MYCBP2: variants seen among roughly 807,000 people sequenced by gnomAD.
MYCBP2 encodes MYC binding protein 2, also known as E3 ubiquitin-protein ligase MYCBP2.
Under a neutral mutation model 525.3 loss-of-function variants are expected in MYCBP2, and 120 were observed. The observed-to-expected ratio is 0.23, with a 90% CI of 0.20 to 0.27. The LOEUF (loss-of-function observed/expected upper bound fraction) is 0.27, where lower values mean the gene tolerates loss of function less well. MYCBP2 is among the 10% of genes least tolerant of loss of function. The pLI is 1.00. For missense variants in MYCBP2, 4,149 were observed against 5,657.1 expected (o/e 0.73, Z 8.55); for synonymous variants, 1,894 against 1,955.8 (o/e 0.97, Z 0.83).
At chr13:77,060,713 C>T (rs1156598360) in intron 76 of MYCBP2, among the ~76,000 whole-genome samples, 1 of 152,074 alleles carries the variant, frequency 6.6e-6, no homozygotes, top group African/African-American at 2.4e-5. Flanking sequence ...TTCACAACAC[C>T]TTCAGAAGCA....
chr13:77,179,038 G>C (rs1478534833), intron 34 of MYCBP2, among the ~76,000 whole-genome samples: 3 of 152,176 alleles, frequency 2.0e-5, no homozygotes, highest in Non-Finnish European at 4.4e-5. Context: ...CCCAGGATGA[G>C]AGACTAAAAT....
chr13:77,058,398 A>G lies in MYCBP2; in HGVS notation c.13149T>C (p.Ala4383=), dbSNP rs766652330. The stretch of plus-strand genomic sequence containing the variant: ...GATGCGTCTTACTACAGGCTATCTT[A>G]GCGTATTCCTGTTAAAGATGAATTA... ...VCSDADCQEY[A]KIACSKTHPC... is the part of the protein sequence containing the mutation. The change falls in exon 78 of 83, where the codon GCT becomes GCC. Residue 4383 remains alanine, a synonymous_variant. Coordinates refer to ENST00000544440, the MANE Select transcript of MYCBP2 (RefSeq NM_015057.5). This position sits in a 1 kb window ranked among gnomAD's most constrained non-coding sequence, Gnocchi z 4.1. 11 of 1,598,046 alleles carry G rather than the reference A, an allele frequency of 6.9e-6. No homozygotes were observed. The East Asian group carries it at 1.6e-4, about 23-fold the overall frequency.
At chr13:77,201,129 T>C (rs2062483878) in intron 26 of MYCBP2, among the ~76,000 whole-genome samples, 1 of 152,128 alleles carries the variant, frequency 6.6e-6, no homozygotes, top group African/African-American at 2.4e-5. Context: ...CCCATCAGTG[T>C]GCTGTGTTCA....
At chr13:77,230,368 T>C (rs1189962067) in intron 18 of MYCBP2, among the ~76,000 whole-genome samples, 2 of 152,134 alleles carry the variant, frequency 1.3e-5, no homozygotes, top group Non-Finnish European at 2.9e-5. Flanking sequence ...GTAGATAAAC[T>C]AGAAGATAAA....
intron 46 of MYCBP2, 92 bp from the exon 47 acceptor site, chr13:77,151,041 T>C: frequency 2.9e-6 from 3 of 1,030,116 alleles, no homozygotes; most frequent in Admixed American, 2.0e-5. Flanking sequence ...CTCATAATTA[T>C]GTATACTTTA....
Position 77,189,101 on chromosome 13 carries a change from T to C in MYCBP2, c.4155-54A>G, listed in dbSNP as rs1029824496. 3.0e-6 allele frequency: 4 copies of C among 1,333,638 alleles called. No homozygotes were observed. The African/African-American group carries it at 4.6e-5, about 15-fold the overall frequency. 82.6% of individuals were successfully genotyped at this position (1,333,638 alleles called of 1,614,324 possible). ...TGTTAGAAAGTCCAATGTCATTTTT[T>C]CTTTTTAAAGTATATTATACATTTT... is the stretch of plus-strand genomic sequence containing the variant. On this transcript the variant is annotated intron_variant, in intron 29 of 82. Transcript: ENST00000544440.
At chr13:77,123,968 C>T (rs914357177) in intron 54 of MYCBP2, among the ~76,000 whole-genome samples, 4 of 152,078 alleles carry the variant, frequency 2.6e-5, no homozygotes, top group East Asian at 1.9e-4. Context: ...TTACATCAAG[C>T]GGAACCCTTA....
chr13:77,162,201 A>G (rs1485813301), intron 43 of MYCBP2, among the ~76,000 whole-genome samples: 3 of 152,238 alleles, frequency 2.0e-5, no homozygotes, highest in African/African-American at 7.2e-5. Context: ...TGCCAAAGAT[A>G]TATCCTACAT....
chr13:77,083,924 C>T (rs905420230), intron 62 of MYCBP2, among the ~76,000 whole-genome samples: 1 of 152,056 alleles, frequency 6.6e-6, no homozygotes, highest in Admixed American at 6.6e-5. Flanking sequence ...TGTTCATTTA[C>T]ACAAATGGCA....
chr13:77,278,934 T>C lies in MYCBP2; in HGVS notation c.595-23A>G, dbSNP rs570803383. On this transcript the variant is annotated intron_variant, in intron 3 of 82. Coordinates refer to ENST00000544440, the MANE Select transcript of MYCBP2 (RefSeq NM_015057.5). ...AATCTATTTAAAAGGAAAAAATATA[T>C]ATACTTTATGACATGTAAGCTAGTA... The C allele has an allele frequency of 2.0e-4, 299 of 1,514,172 alleles. 6 individuals are homozygous for C. The South Asian group carries it at 3.8e-3, about 19-fold the overall frequency. The allele number at this position is 1,514,172 out of a possible 1,614,324, so 93.8% of individuals were successfully genotyped here. A position where few individuals can be genotyped will look rare whatever the true frequency, so the allele number is the denominator to read the frequency against.
intron 46 of MYCBP2, among the ~76,000 whole-genome samples, chr13:77,153,953 T>C (rs1464720585): frequency 1.3e-5 from 2 of 152,176 alleles, no homozygotes; most frequent in Non-Finnish European, 2.9e-5. Context: ...AGTCATTTTA[T>C]AAGTAAAAAA....
chr13:77,164,954 C>T (rs1427672695), intron 42 of MYCBP2, among the ~76,000 whole-genome samples: 2 of 152,192 alleles, frequency 1.3e-5, no homozygotes, highest in Non-Finnish European at 1.5e-5. Context: ...CCATCCTCTT[C>T]ATGTATTAAA....
chr13:77,128,407 T>C lies in MYCBP2; in HGVS notation c.7660-1865A>G, dbSNP rs1446750895. ...CCAACTTCACTGGTATTTAATAATA[T>C]TCCTAGTGCATTTAATTAATTATAA... is the stretch of plus-strand genomic sequence containing the variant. On this transcript the variant is annotated intron_variant, in intron 52 of 82. Transcript: ENST00000544440. Among the ~76,000 whole-genome samples, 6 of 151,922 alleles carry C rather than the reference T, an allele frequency of 3.9e-5. No individual in the cohort carries two copies. In the South Asian group the frequency reaches 1.0e-3, roughly 26 times the overall value.
At chr13:77,256,180 T>C (rs1305038458) in intron 14 of MYCBP2, among the ~76,000 whole-genome samples, 1 of 152,078 alleles carries the variant, frequency 6.6e-6, no homozygotes, top group Non-Finnish European at 1.5e-5. Context: ...GGATCACTCT[T>C]AGTTGTCAAG....
chr13:77,143,519 A>C (rs996552573), intron 49 of MYCBP2, among the ~76,000 whole-genome samples: 6 of 152,144 alleles, frequency 3.9e-5, no homozygotes, highest in African/African-American at 1.2e-4. Context: ...GAGTTACATC[A>C]TCTGCTTCCC....
At chr13:77,260,326 G>T in intron 13 of MYCBP2, 102 bp downstream of exon 13, 1 of 778,148 alleles carries the variant, frequency 1.3e-6, no homozygotes, top group Non-Finnish European at 1.9e-6. Context: ...AAAAAATGTA[G>T]AGAAAGCATG....
At chr13:77,176,792 T>C (rs958145240) in intron 35 of MYCBP2, among the ~76,000 whole-genome samples, 164 bp from the exon 36 acceptor site, 11 of 152,174 alleles carry the variant, frequency 7.2e-5, no homozygotes, top group African/African-American at 2.7e-4. Context: ...GGGTACTATA[T>C]ACATTTTTAT....
chr13:77,056,944 C>A, intron 79 of MYCBP2, 42 bp downstream of exon 79: 1 of 1,449,308 alleles, frequency 6.9e-7, no homozygotes, highest in Non-Finnish European at 9.7e-7. Context: ...AAAGAAAGAA[C>A]AAAAGAAAAA....
intron 55 of MYCBP2, among the ~76,000 whole-genome samples, chr13:77,119,458 T>C (rs2050319452): frequency 6.6e-6 from 1 of 152,104 alleles, no homozygotes; most frequent in South Asian, 2.1e-4. Context: ...GAGCCATATA[T>C]CTTTTTTTGA....
Sources: gnomAD v4.1 joint callset for allele counts (sites outside exome capture counted in the v4.1 genomes callset) on GRCh38, gnomAD v4.1.1 for gene constraint, Gnocchi (gnomAD v3.1) non-coding constraint, MANE v1.5 for transcripts, NCBI Gene and HGNC (gene_info 2026-07-23, HGNC 2026-07-21) for gene names.